The following NDRG3 variants were observed in gnomAD, a reference collection of about 807,000 sequenced individuals.
The protein encoded by NDRG3 is NDRG family member 3, also known as protein NDRG3.
Under a neutral mutation model 57.2 loss-of-function variants are expected in NDRG3, and 23 were observed. That is an observed-to-expected ratio of 0.40 (90% CI 0.29 to 0.57). The LOEUF is 0.57. NDRG3 is among the 20% of genes least tolerant of loss of function. The pLI is 0.42. For missense variants in NDRG3, 384 were observed against 457.3 expected, an observed-to-expected ratio of 0.84 and a Z score of 1.46; for synonymous variants, 132 against 162.6, an observed-to-expected ratio of 0.81 and a Z score of 1.43.
At chr20:36,725,732 T>C (rs556922592) in intron 1 of NDRG3, among the ~76,000 whole-genome samples, 1 of 152,318 alleles carries the variant, frequency 6.6e-6, no homozygotes, top group South Asian at 2.1e-4. Context: ...TTTTTCCCAC[T>C]TAAATGGTGA....
Position 36,680,920 on chromosome 20 carries a change from G to T in NDRG3, c.445-18C>A. On this transcript the variant is annotated intron_variant, in intron 7 of 15. Transcript: ENST00000349004. ...TGGTTGAGCTGAAAGATGAGGCAAA[G>T]ACAATAGTATGAAAGCTACACTCCC... 1 of 1,606,286 alleles carries T rather than the reference G, an allele frequency of 6.2e-7. No homozygotes were observed.
intron 13 of NDRG3, 71 bp from the exon 14 acceptor site, chr20:36,656,603 C>T (rs1266319424): frequency 2.9e-5 from 44 of 1,537,004 alleles, no homozygotes; most frequent in Non-Finnish European, 3.3e-5. Flanking sequence ...ACCCCAAGTC[C>T]TTTCAAACAG....
At chr20:36,674,621 A>G (rs1273283114) in intron 8 of NDRG3, among the ~76,000 whole-genome samples, 18 of 140,748 alleles carry the variant, frequency 1.3e-4, no homozygotes, top group African/African-American at 3.5e-4. Context: ...TTTTTAAGAC[A>G]AGGTCTCTCT....
At chr20:36,727,462 C>T (rs1221126483) in intron 1 of NDRG3, among the ~76,000 whole-genome samples, 3 of 152,058 alleles carry the variant, frequency 2.0e-5, no homozygotes, top group African/African-American at 7.2e-5. Flanking sequence ...TCAGGTAATC[C>T]GCCTGCTTTG....
At chr20:36,665,757 C>G (rs956547541) in intron 10 of NDRG3, among the ~76,000 whole-genome samples, 6 of 152,172 alleles carry the variant, frequency 3.9e-5, no homozygotes, top group Admixed American at 1.3e-4. Context: ...CGCCACTACA[C>G]CCGGCTAATT....
intron 13 of NDRG3, among the ~76,000 whole-genome samples, chr20:36,659,776 T>G (rs1334494029): frequency 6.6e-6 from 1 of 151,774 alleles, no homozygotes; most frequent in Non-Finnish European, 1.5e-5. Flanking sequence ...AATTTTTGTA[T>G]TTTTAGTAGA....
intron 5 of NDRG3, 31 bp downstream of exon 5, chr20:36,687,461 C>T (rs1568642462): frequency 3.1e-6 from 5 of 1,607,342 alleles, no homozygotes; most frequent in Non-Finnish European, 4.2e-6. Flanking sequence ...ACTGAGTGCA[C>T]GTCTCCCAGA....
intron 3 of NDRG3, among the ~76,000 whole-genome samples, chr20:36,697,068 T>C (rs1982853875): frequency 6.6e-6 from 1 of 152,166 alleles, no homozygotes; most frequent in Non-Finnish European, 1.5e-5. Context: ...ATTGTCCATA[T>C]CAAAAGAACT....
At chr20:36,703,686 A>G (rs1187938292) in intron 3 of NDRG3, among the ~76,000 whole-genome samples, 1 of 152,172 alleles carries the variant, frequency 6.6e-6, no homozygotes, top group Non-Finnish European at 1.5e-5. Context: ...TCCTGGGCTC[A>G]CACAATTCTC....
chr20:36,660,477 C>A, intron 12 of NDRG3, 93 bp from the exon 13 acceptor site: 1 of 873,630 alleles, frequency 1.1e-6, no homozygotes, highest in Non-Finnish European at 1.9e-6. Context: ...GCAAGATCAA[C>A]AGCTCAGTCT....
At chr20:36,665,014 C>T (rs1360854608) in intron 12 of NDRG3, 32 bp downstream of exon 12, 1 of 1,606,954 alleles carries the variant, frequency 6.2e-7, no homozygotes, top group Non-Finnish European at 8.5e-7. Context: ...ATTTTGATCT[C>T]ATTCATCTTC....
chr20:36,743,140 G>A (rs1985998884), intron 1 of NDRG3, among the ~76,000 whole-genome samples: 1 of 152,192 alleles, frequency 6.6e-6, no homozygotes, highest in African/African-American at 2.4e-5. Context: ...CATCGAAATA[G>A]CATATACCAA....
At chr20:36,743,930 G>C (rs1403020096) in intron 1 of NDRG3, among the ~76,000 whole-genome samples, 1 of 132,052 alleles carries the variant, frequency 7.6e-6, no homozygotes, top group Non-Finnish European at 1.6e-5. Context: ...TTTTGAGACG[G>C]AGCTCTGTTG....
At chr20:36,742,949 A>G (rs1985989426) in intron 1 of NDRG3, among the ~76,000 whole-genome samples, 1 of 152,228 alleles carries the variant, frequency 6.6e-6, no homozygotes, top group Admixed American at 6.5e-5. Context: ...AATATTTATT[A>G]TTATAAATAC....
intron 2 of NDRG3, 58 bp downstream of exon 2, chr20:36,721,621 A>T: frequency 1.0e-6 from 1 of 1,002,940 alleles, no homozygotes. Flanking sequence ...ACAGAAAATG[A>T]AATACTATCA....
intron 1 of NDRG3, among the ~76,000 whole-genome samples, chr20:36,727,930 A>G (rs1985044705): frequency 6.6e-6 from 1 of 152,190 alleles, no homozygotes; most frequent in Non-Finnish European, 1.5e-5. Context: ...CAGGAGCGGT[A>G]GCATGCAACT....
At chr20:36,667,776 CA>C (rs1444730801) in intron 9 of NDRG3, among the ~76,000 whole-genome samples, 1 of 151,990 alleles carries the variant, frequency 6.6e-6, no homozygotes, top group African/African-American at 2.4e-5. Flanking sequence ...GAAATAGAGA[CA>C]TGGAAAAAAT....
intron 1 of NDRG3, among the ~76,000 whole-genome samples, chr20:36,735,970 C>CAAAAAAA (rs576981000): frequency 3.9e-5 from 2 of 50,960 alleles, no homozygotes; most frequent in African/African-American, 7.0e-5. Context: ...GGCCCTGTCT[C>CAAAAAAA]AAAAAAAAAA....
chr20:36,717,702 A>T (rs1237037833), intron 2 of NDRG3, among the ~76,000 whole-genome samples: 2 of 152,234 alleles, frequency 1.3e-5, no homozygotes, highest in African/African-American at 4.8e-5. Flanking sequence ...AATAAATCAT[A>T]GCAGGACAGG....
Sources: allele counts gnomAD v4.1 joint callset (sites outside exome capture counted in the v4.1 genomes callset), GRCh38; gene constraint gnomAD v4.1.1; transcripts MANE v1.5; gene names NCBI Gene and HGNC (gene_info 2026-07-23, HGNC 2026-07-21).